The following NSMCE2 variants were observed in gnomAD, a reference collection of about 807,000 sequenced individuals.
NSMCE2 encodes E3 SUMO-protein ligase NSE2.
A neutral mutation model predicts 23.8 loss-of-function variants in NSMCE2; 24 were observed. That is an observed-to-expected ratio of 1.01 (90% CI 0.73 to 1.42). The LOEUF (loss-of-function observed/expected upper bound fraction) is 1.42. NSMCE2 is among the 40% of genes most tolerant of loss of function. The pLI, the probability that NSMCE2 is intolerant of heterozygous loss-of-function variation, is 0.00. For missense variants in NSMCE2, 284 were observed against 296.5 expected, an observed-to-expected ratio of 0.96 and a Z score of 0.31; for synonymous variants, 92 against 94.1, an observed-to-expected ratio of 0.98 and a Z score of 0.13.
chr8:125,265,242 A>G (rs7841990), intron 5 of NSMCE2, among the ~76,000 whole-genome samples: 16,757 of 149,868 alleles, frequency 0.11, 1,318 homozygotes, highest in African/African-American at 0.22. Context: ...TCTTTTTGAA[A>G]CGGAGTTTCA....
At chr8:125,096,032 T>A (rs1817913476) in intron 1 of NSMCE2, among the ~76,000 whole-genome samples, 1 of 152,228 alleles carries the variant, frequency 6.6e-6, no homozygotes, top group Non-Finnish European at 1.5e-5. Flanking sequence ...GTTTCTTTCA[T>A]GCATGGAGCC....
chr8:125,120,588 C>T (rs1008983920), intron 3 of NSMCE2, among the ~76,000 whole-genome samples: 1 of 152,112 alleles, frequency 6.6e-6, no homozygotes, highest in African/African-American at 2.4e-5. Context: ...ATTGGGCAAG[C>T]CAGAGGTTAA....
chr8:125,337,689 G>C (rs1470050344), intron 5 of NSMCE2, among the ~76,000 whole-genome samples: 1 of 152,040 alleles, frequency 6.6e-6, no homozygotes, highest in African/African-American at 2.4e-5. Context: ...GAGGTCGGGA[G>C]TTTGAGACCA....
intron 5 of NSMCE2, among the ~76,000 whole-genome samples, chr8:125,316,676 T>A (rs1829202017): frequency 6.7e-6 from 1 of 149,118 alleles, no homozygotes; most frequent in Admixed American, 6.8e-5. Context: ...CCTTCTTTCC[T>A]TCCTTCTTAT....
At chr8:125,093,467 TCAC>T (rs1817774595) in intron 1 of NSMCE2, among the ~76,000 whole-genome samples, 4 of 152,224 alleles carry the variant, frequency 2.6e-5, no homozygotes, top group African/African-American at 9.6e-5. Flanking sequence ...GGCGGGCGGA[TCAC>T]TTGAGGTCGG....
intron 5 of NSMCE2, among the ~76,000 whole-genome samples, chr8:125,185,051 T>C (rs1823028712): frequency 1.3e-5 from 2 of 152,166 alleles, no homozygotes. Flanking sequence ...CTTCACTAAC[T>C]TTATTATATA....
intron 5 of NSMCE2, among the ~76,000 whole-genome samples, chr8:125,286,412 A>G (rs1827902610): frequency 6.6e-6 from 1 of 151,336 alleles, no homozygotes; most frequent in South Asian, 2.1e-4. Flanking sequence ...TCCTGGGTTC[A>G]AGTGATGCTC....
At chr8:125,358,171 A>G (rs1813366670) in intron 7 of NSMCE2, among the ~76,000 whole-genome samples, 1 of 151,972 alleles carries the variant, frequency 6.6e-6, no homozygotes, top group Non-Finnish European at 1.5e-5. Context: ...CATCTCTACT[A>G]AAAATACAAA....
At chr8:125,292,115 G>A (rs569265726) in intron 5 of NSMCE2, among the ~76,000 whole-genome samples, 1 of 152,112 alleles carries the variant, frequency 6.6e-6, no homozygotes, top group East Asian at 1.9e-4. Context: ...CCTACAAGGA[G>A]GGCTGGACAA....
Position 125,201,869 on chromosome 8 carries a change from G to A in NSMCE2, c.418+19613G>A, listed in dbSNP as rs370133431. 1.9e-4 allele frequency among the ~76,000 whole-genome samples: 29 copies of A among 152,306 alleles called. No individual in the cohort carries two copies. The East Asian group carries it at 4.3e-3, about 22-fold the overall frequency. ...TCCCCCAAGTTCAAGCTTCTCAGCCGCTTTGTTTACCTACTCAAGCCTTAG... is the reference window on the plus strand; with the variant it reads ...TCCCCCAAGTTCAAGCTTCTCAGCCACTTTGTTTACCTACTCAAGCCTTAG... On this transcript the variant is annotated intron_variant, in intron 5 of 7. Transcript: ENST00000287437.
intron 5 of NSMCE2, among the ~76,000 whole-genome samples, chr8:125,227,385 A>T (rs776222820): frequency 6.6e-6 from 1 of 152,216 alleles, no homozygotes; most frequent in Non-Finnish European, 1.5e-5. Context: ...GCGTGACTGC[A>T]GCTCAGAGAG....
At chr8:125,175,934 T>C (rs1267256311) in intron 4 of NSMCE2, among the ~76,000 whole-genome samples, 1 of 152,216 alleles carries the variant, frequency 6.6e-6, no homozygotes, top group Non-Finnish European at 1.5e-5. Flanking sequence ...CCATTATCTT[T>C]TTTCCTGAAA....
chr8:125,255,450 A>C (rs537268896), intron 5 of NSMCE2, among the ~76,000 whole-genome samples: 2 of 152,150 alleles, frequency 1.3e-5, no homozygotes, highest in Admixed American at 6.5e-5. Context: ...ATCAAGGAAG[A>C]CTCCCTCAAT....
intron 1 of NSMCE2, chr8:125,094,359 T>A (rs1029450137): frequency 2.6e-5 from 4 of 152,344 alleles, no homozygotes; most frequent in African/African-American, 9.6e-5. Flanking sequence ...TGTACTTAGC[T>A]GTATTTATTG....
chr8:125,156,068 C>T (rs1218075228), intron 4 of NSMCE2: 4 of 417,698 alleles, frequency 9.6e-6, no homozygotes, highest in Non-Finnish European at 1.9e-5. Flanking sequence ...TCACTTGAGC[C>T]CAGGAGTTCA....
intron 5 of NSMCE2, among the ~76,000 whole-genome samples, chr8:125,198,323 T>A (rs973783650): frequency 6.6e-6 from 1 of 152,154 alleles, no homozygotes; most frequent in Non-Finnish European, 1.5e-5. Flanking sequence ...TGGCTGTGGG[T>A]TTGTCATAAA....
chr8:125,270,506 T>G (rs1827134399), intron 5 of NSMCE2: 1 of 152,136 alleles, frequency 6.6e-6, no homozygotes, highest in Admixed American at 6.6e-5. Context: ...AATCTGAATG[T>G]TATCCTGAAG....
chr8:125,336,026 A>G (rs1430487047), intron 5 of NSMCE2, among the ~76,000 whole-genome samples: 2 of 152,218 alleles, frequency 1.3e-5, no homozygotes, highest in Non-Finnish European at 2.9e-5. Flanking sequence ...GAGAGGACAG[A>G]TGTTATCACA....
chr8:125,134,440 G>A lies in NSMCE2; in HGVS notation c.158-16731G>A, dbSNP rs190054329. 4.6e-5 allele frequency among the ~76,000 whole-genome samples: 7 copies of A among 152,294 alleles called. No homozygotes were observed. In the East Asian group the frequency reaches 1.3e-3, roughly 29 times the overall value. ...TCCTTGTCAACACTTGCTACAGGCA[G>A]TCTTCTTACTTTTAGCCATTCTAAT... On this transcript the variant is annotated intron_variant, in intron 3 of 7. Coordinates refer to ENST00000287437, the MANE Select transcript of NSMCE2 (RefSeq NM_173685.4).
Sources: gnomAD v4.1 joint callset for allele counts (sites outside exome capture counted in the v4.1 genomes callset) on GRCh38, gnomAD v4.1.1 for gene constraint, MANE v1.5 for transcripts, NCBI Gene and HGNC (gene_info 2026-07-23, HGNC 2026-07-21) for gene names.